Variants in ANXA3 observed in about 807,000 individuals in gnomAD.
ANXA3 encodes annexin A3.
In ANXA3, 46 loss-of-function variants were observed where a neutral mutation model predicts 48.8. The ratio of observed to expected loss-of-function variants is 0.94; its 90% CI spans 0.74 to 1.21. The LOEUF is 1.21. Ranked by LOEUF, ANXA3 falls within the 50% of genes most tolerant of loss-of-function variation. The pLI, the probability that ANXA3 is intolerant of heterozygous loss-of-function variation, is 0.00. For synonymous variants in ANXA3, 128 were observed against 134.7 expected, an observed-to-expected ratio of 0.95 and a Z score of 0.35; for missense variants, 383 against 378.6, an observed-to-expected ratio of 1.01 and a Z score of -0.10.
intron 3 of ANXA3, among the ~76,000 whole-genome samples, chr4:78,578,560 C>T (rs1185578470): frequency 4.6e-5 from 7 of 152,004 alleles, no homozygotes. Flanking sequence ...ACAGCGGGCC[C>T]CTGTGAATAT....
intron 3 of ANXA3, among the ~76,000 whole-genome samples, chr4:78,574,071 C>A (rs1722896092): frequency 6.6e-6 from 1 of 152,162 alleles, no homozygotes; most frequent in Non-Finnish European, 1.5e-5. Context: ...TATCTAACCA[C>A]CACCACCACT....
rs71216222 is a variant in ANXA3 at position 78,557,689 on chromosome 4, CTT to C, written c.15+3219_15+3220del. Among the ~76,000 whole-genome samples the C allele has an allele frequency of 3.1e-3, 447 of 144,222 alleles. 3 individuals carry two copies. The highest frequency in any genetic ancestry group is 3.9e-3 in the South Asian group (18 of 4,620). The allele number at this position is 144,222 out of a possible 152,430, so 94.6% of individuals were successfully genotyped here. A position where few individuals can be genotyped will look rare whatever the true frequency, so the allele number is the denominator to read the frequency against. On this transcript the variant is annotated intron_variant, in intron 2 of 12. Coordinates refer to ENST00000264908, the MANE Select transcript of ANXA3 (RefSeq NM_005139.3). ...GGGCTCCTACTGTCTCTGGGTTTTTCTTTTTTTTTTTTTTTTTTTCCTGTTTA... is the reference window on the plus strand; with the variant it reads ...GGGCTCCTACTGTCTCTGGGTTTTTCTTTTTTTTTTTTTTTTTCCTGTTTA...
intron 11 of ANXA3, 59 bp from the exon 12 acceptor site, chr4:78,604,218 C>T: frequency 4.1e-6 from 6 of 1,480,428 alleles, no homozygotes; most frequent in Non-Finnish European, 5.5e-6. Context: ...AAATATAGAT[C>T]TCTATGTTGC....
intron 12 of ANXA3, 113 bp from the exon 13 acceptor site, chr4:78,609,943 T>G: frequency 1.6e-6 from 1 of 615,088 alleles, no homozygotes; most frequent in Non-Finnish European, 2.8e-6. Context: ...CTAAATGGTA[T>G]AGCTCATGAG....
At chr4:78,590,201 G>T (rs1723259885) in intron 6 of ANXA3, among the ~76,000 whole-genome samples, 1 of 152,072 alleles carries the variant, frequency 6.6e-6, no homozygotes, top group South Asian at 2.1e-4. Flanking sequence ...CAAATTTAAA[G>T]TTTTTTATCT....
At chr4:78,609,960 A>G (rs1723723763) in intron 12 of ANXA3, 96 bp from the exon 13 acceptor site, 1 of 832,682 alleles carries the variant, frequency 1.2e-6, no homozygotes, top group Non-Finnish European at 1.9e-6. Flanking sequence ...TGAGTCTCAC[A>G]CCCAGGTGAA....
At chr4:78,591,228 G>A (rs529765145) in intron 6 of ANXA3, among the ~76,000 whole-genome samples, 2 of 152,302 alleles carry the variant, frequency 1.3e-5, no homozygotes, top group South Asian at 2.1e-4. Context: ...AAATTGAAAG[G>A]CACACTAGTA....
chr4:78,564,496 A>G (rs1353287422), intron 2 of ANXA3, among the ~76,000 whole-genome samples: 2 of 152,338 alleles, frequency 1.3e-5, no homozygotes, highest in African/African-American at 4.8e-5. Flanking sequence ...TTAAGCCCCT[A>G]TCTGGGGACT....
At position 78,602,156 on chromosome 4, in the gene ANXA3, C is replaced by G. The variant is rs1408725793; in HGVS notation, c.789+588C>G. 5 of 148,094 alleles carry G rather than the reference C, an allele frequency of 3.4e-5. No homozygotes were observed. In the East Asian group the frequency reaches 9.9e-4, roughly 29 times the overall value. The allele number at this position is 148,094 out of a possible 1,614,324, so 9.2% of individuals were successfully genotyped here. ...CTCGCGAGGCTGAGGCAGAGAATTGCTTGAACCCAGGAGGCAGAGGTTGCA... is the reference window on the plus strand; with the variant it reads ...CTCGCGAGGCTGAGGCAGAGAATTGGTTGAACCCAGGAGGCAGAGGTTGCA... On this transcript the variant is annotated intron_variant, in intron 11 of 12. Coordinates refer to ENST00000264908, the MANE Select transcript of ANXA3 (RefSeq NM_005139.3).
chr4:78,609,862 TGAA>T (rs1723721804), intron 12 of ANXA3, among the ~76,000 whole-genome samples, 191 bp from the exon 13 acceptor site: 1 of 152,178 alleles, frequency 6.6e-6, no homozygotes, highest in Non-Finnish European at 1.5e-5. Context: ...TTACTTACAG[TGAA>T]GAAGATGCTG....
chr4:78,580,537 G>A (rs1723050625), intron 4 of ANXA3, among the ~76,000 whole-genome samples: 1 of 152,122 alleles, frequency 6.6e-6, no homozygotes, highest in African/African-American at 2.4e-5. Context: ...ATATACTGCA[G>A]TTTTTATTTT....
chr4:78,570,241 G>C (rs1223488199), intron 2 of ANXA3, among the ~76,000 whole-genome samples: 1 of 152,048 alleles, frequency 6.6e-6, no homozygotes, highest in Non-Finnish European at 1.5e-5. Flanking sequence ...TTCTTGCTAA[G>C]TACTAAATTG....
chr4:78,554,924 G>C (rs539130441), intron 2 of ANXA3, among the ~76,000 whole-genome samples: 1 of 152,228 alleles, frequency 6.6e-6, no homozygotes, highest in Admixed American at 6.5e-5. Flanking sequence ...AATATGAATG[G>C]GCCGGGTGTG....
chr4:78,609,469 A>T (rs774757935), intron 12 of ANXA3, among the ~76,000 whole-genome samples: 20 of 152,306 alleles, frequency 1.3e-4, no homozygotes, highest in Non-Finnish European at 2.6e-4. Flanking sequence ...GGAACTGATA[A>T]ACATATTCTT....
intron 2 of ANXA3, among the ~76,000 whole-genome samples, chr4:78,563,450 C>T (rs935911728): frequency 1.2e-4 from 19 of 152,170 alleles, no homozygotes; most frequent in African/African-American, 4.1e-4. Flanking sequence ...GATGATTGGG[C>T]GATGGGATCT....
At chr4:78,570,168 G>T (rs1560442454) in intron 2 of ANXA3, among the ~76,000 whole-genome samples, 1 of 152,000 alleles carries the variant, frequency 6.6e-6, no homozygotes, top group East Asian at 1.9e-4. Context: ...TTCAAGTTGG[G>T]GTGTGTGTGT....
At chr4:78,574,006 T>C (rs1212698316) in intron 3 of ANXA3, among the ~76,000 whole-genome samples, 1 of 152,196 alleles carries the variant, frequency 6.6e-6, no homozygotes, top group Non-Finnish European at 1.5e-5. Context: ...TTGCTAGTCA[T>C]GTGAAACTGC....
intron 3 of ANXA3, among the ~76,000 whole-genome samples, chr4:78,578,554 C>A (rs891324152): frequency 6.6e-6 from 1 of 152,054 alleles, no homozygotes; most frequent in Non-Finnish European, 1.5e-5. Context: ...TTTAGTACAG[C>A]GGGCCCCTGT....
rs1723413200 is a variant in ANXA3 at position 78,595,830 on chromosome 4, G to A, written c.577G>A (p.Asp193Asn). 6.2e-7 allele frequency: 1 copy of A among 1,612,636 alleles called. No homozygotes were observed. The highest frequency in any genetic ancestry group is 1.1e-5 in the South Asian group (1 of 91,044). The change falls in exon 9 of 13, where the codon GAT (aspartate) becomes AAT (asparagine). Residue 193 changes from aspartate (D) to asparagine (N), a missense_variant. Transcript: ENST00000264908. Reference sequence around the variant, plus strand: ...AGCTGGTGAGAACAGATGGGGCACGGATGAAGACAAATTCACTGAGATCCT... The same window carrying A: ...AGCTGGTGAGAACAGATGGGGCACGAATGAAGACAAATTCACTGAGATCCT... Reference protein sequence around the residue: ...YKAGENRWGTDEDKFTEILCL... With the variant: ...YKAGENRWGTNEDKFTEILCL...
Sources: allele counts gnomAD v4.1 joint callset (sites outside exome capture counted in the v4.1 genomes callset), GRCh38; gene constraint gnomAD v4.1.1; transcripts MANE v1.5; gene names NCBI Gene and HGNC (gene_info 2026-07-23, HGNC 2026-07-21).